OXR1: variants seen among roughly 807,000 people sequenced by gnomAD.
OXR1 encodes oxidation resistance protein 1.
A neutral mutation model predicts 104.6 loss-of-function variants in OXR1; 41 were observed. The ratio of observed to expected loss-of-function variants is 0.39; its 90% confidence interval spans 0.31 to 0.51. OXR1 has a LOEUF of 0.51. OXR1 is among the 20% of genes least tolerant of loss of function. OXR1 has a pLI of 0.77. For missense variants in OXR1, 955 were observed against 1,031.9 expected (o/e 0.93, Z 1.02); for synonymous variants, 348 against 348.4 (o/e 1.00, Z 0.01).
At chr8:106,692,401 G>GT (rs1404687991) in intron 6 of OXR1, among the ~76,000 whole-genome samples, 1 of 152,082 alleles carries the variant, frequency 6.6e-6, no homozygotes, top group East Asian at 1.9e-4. Flanking sequence ...GCACGTGTGT[G>GT]TATGTGTTGG....
At chr8:106,471,380 C>G (rs768795824) in intron 2 of OXR1, among the ~76,000 whole-genome samples, 53 of 151,678 alleles carry the variant, frequency 3.5e-4, no homozygotes, top group South Asian at 1.7e-3. Flanking sequence ...TTGTAGCAGC[C>G]CATTGCCTAT....
chr8:106,370,554 T>A (rs2130373503), intron 2 of OXR1, among the ~76,000 whole-genome samples: 1 of 152,320 alleles, frequency 6.6e-6, no homozygotes, highest in South Asian at 2.1e-4. Context: ...ATGTTCTTAT[T>A]ATTTTGAGAT....
intron 2 of OXR1, among the ~76,000 whole-genome samples, chr8:106,376,614 T>G (rs1313339996): frequency 6.6e-6 from 1 of 152,234 alleles, no homozygotes; most frequent in Non-Finnish European, 1.5e-5. Context: ...TGACTTTTTG[T>G]TATTAAAATG....
chr8:106,513,516 T>G (rs1812673715), intron 2 of OXR1, among the ~76,000 whole-genome samples: 1 of 152,146 alleles, frequency 6.6e-6, no homozygotes, highest in African/African-American at 2.4e-5. Flanking sequence ...GCATACCACA[T>G]AAGGGACTTG....
At chr8:106,334,655 A>T (rs115868088) in intron 1 of OXR1, among the ~76,000 whole-genome samples, 1,773 of 152,264 alleles carry the variant, frequency 0.012, 42 homozygotes, top group African/African-American at 0.039. Flanking sequence ...TAACAAAATA[A>T]CTCATCAACT....
chr8:106,733,223 G>C (rs1013221232), intron 11 of OXR1, among the ~76,000 whole-genome samples: 2 of 152,036 alleles, frequency 1.3e-5, no homozygotes, highest in Non-Finnish European at 2.9e-5. Context: ...TGTCTTTCAA[G>C]GAATTGGTTT....
At chr8:106,505,673 A>G (rs1812112649) in intron 2 of OXR1, among the ~76,000 whole-genome samples, 1 of 152,202 alleles carries the variant, frequency 6.6e-6, no homozygotes, top group Admixed American at 6.5e-5. Context: ...TTCAAAGAGC[A>G]TTCCAGGTGG....
At chr8:106,704,326 G>A (rs529558007) in intron 8 of OXR1, among the ~76,000 whole-genome samples, 1 of 150,478 alleles carries the variant, frequency 6.6e-6, no homozygotes, top group East Asian at 2.0e-4. Flanking sequence ...GAGAGAGAGA[G>A]AGAGAGTCAT....
At chr8:106,559,839 C>G (rs1031432899) in intron 3 of OXR1, among the ~76,000 whole-genome samples, 3 of 152,074 alleles carry the variant, frequency 2.0e-5, no homozygotes, top group African/African-American at 7.2e-5. Context: ...CAACACACTG[C>G]AGATTCGATT....
At chr8:106,488,129 A>G (rs1445564053) in intron 2 of OXR1, among the ~76,000 whole-genome samples, 3 of 145,822 alleles carry the variant, frequency 2.1e-5, no homozygotes, top group Non-Finnish European at 4.5e-5. Flanking sequence ...CTGGTGTGAG[A>G]TGGTATCTCA....
intron 8 of OXR1, 54 bp downstream of exon 8, chr8:106,703,144 C>A: frequency 8.4e-7 from 1 of 1,195,162 alleles, no homozygotes; most frequent in Non-Finnish European, 1.2e-6. Context: ...GATAGTTGAC[C>A]CTTGTCTAAT....
intron 3 of OXR1, among the ~76,000 whole-genome samples, chr8:106,566,922 A>G (rs1817117859): frequency 6.6e-6 from 1 of 152,230 alleles, no homozygotes; most frequent in East Asian, 1.9e-4. Context: ...CAATGAAAAC[A>G]TATGGGCACA....
rs1036971786 is a variant in OXR1 at position 106,741,646 on chromosome 8, C to T, written c.2317-576C>T. On this transcript the variant is annotated intron_variant, in intron 14 of 16. Coordinates refer to ENST00000517566, the MANE Select transcript of OXR1 (RefSeq NM_001198533.2). ...TGCACTCCCATTTCTGATGTGGAAACTTCAGCCCATAACACTGAAATTACT... is the reference window on the plus strand; with the variant it reads ...TGCACTCCCATTTCTGATGTGGAAATTTCAGCCCATAACACTGAAATTACT... Among the ~76,000 whole-genome samples, 10 of 152,240 alleles carry T rather than the reference C, an allele frequency of 6.6e-5. No individual in the cohort carries two copies. In the South Asian group the frequency reaches 1.0e-3, roughly 16 times the overall value.
intron 2 of OXR1, among the ~76,000 whole-genome samples, chr8:106,507,685 T>A (rs1011252790): frequency 2.0e-5 from 3 of 152,042 alleles, no homozygotes; most frequent in Admixed American, 1.3e-4. Flanking sequence ...ATGTGAAGTG[T>A]TTGCGCTGGG....
chr8:106,283,150 G>C (rs999926792), intron 1 of OXR1, among the ~76,000 whole-genome samples: 12 of 152,148 alleles, frequency 7.9e-5, no homozygotes, highest in African/African-American at 2.9e-4. Flanking sequence ...GGAAACACTG[G>C]TTCTAGCAGG....
intron 1 of OXR1, among the ~76,000 whole-genome samples, chr8:106,287,149 A>G (rs992334904): frequency 6.6e-6 from 1 of 152,198 alleles, no homozygotes; most frequent in Non-Finnish European, 1.5e-5. Flanking sequence ...GCAGAAAAAC[A>G]GAGGAACTAA....
At chr8:106,681,063 G>A (rs1828099093) in intron 4 of OXR1, among the ~76,000 whole-genome samples, 1 of 152,004 alleles carries the variant, frequency 6.6e-6, no homozygotes, top group African/African-American at 2.4e-5. Context: ...CCTTATCTTT[G>A]TTTTTCTGCA....
intron 3 of OXR1, among the ~76,000 whole-genome samples, chr8:106,557,956 A>G (rs936260227): frequency 6.6e-6 from 1 of 152,246 alleles, no homozygotes; most frequent in Non-Finnish European, 1.5e-5. Context: ...CTGAAGATAT[A>G]TGAGCAAAGC....
chr8:106,463,635 C>T (rs1429464091), intron 2 of OXR1, among the ~76,000 whole-genome samples: 3 of 152,032 alleles, frequency 2.0e-5, no homozygotes, highest in Non-Finnish European at 4.4e-5. Flanking sequence ...GGGAGCACAG[C>T]GAGGCTGTAT....
Sources: allele counts gnomAD v4.1 joint callset (sites outside exome capture counted in the v4.1 genomes callset), GRCh38; gene constraint gnomAD v4.1.1; transcripts MANE v1.5; gene names NCBI Gene and HGNC (gene_info 2026-07-23, HGNC 2026-07-21).